Variants in WDR6 observed in about 807,000 individuals in gnomAD.
WDR6 encodes the protein WD repeat domain 6.
A neutral mutation model predicts 85.6 loss-of-function variants in WDR6; 58 were observed. The observed-to-expected ratio is 0.68, with a 90% CI of 0.55 to 0.84. The LOEUF is 0.84. Among genes scored for constraint, WDR6 ranks in the 40% least tolerant of loss-of-function variants. WDR6 has a pLI of 0.00. For missense variants in WDR6, 1,310 were observed against 1,476.4 expected (o/e 0.89, Z 1.85); for synonymous variants, 569 against 582.2 (o/e 0.98, Z 0.33).
In WDR6 at chr3:49,014,834, C is replaced by A. The variant is rs747411304; in HGVS notation, c.2912C>A (p.Thr971Asn). ...CTTCCTCTTCCTTCAGGGCTTGGCACCCCCTCCCTGACTCTCCAGGCCCAC... is the reference window on the plus strand; with the variant it reads ...CTTCCTCTTCCTTCAGGGCTTGGCAACCCCTCCCTGACTCTCCAGGCCCAC... Reference protein sequence around the residue: ...VDPGLPYRLGTPSLTLQAHSC... With the variant: ...VDPGLPYRLGNPSLTLQAHSC... Residue 971 changes from threonine to asparagine, a missense_variant, in exon 6 of 6, where the codon ACC becomes AAC. By Grantham distance (65) the Thr-to-Asn change is moderately conservative. Transcript: ENST00000608424. This position sits in a 1 kb window ranked among gnomAD's most constrained non-coding sequence, Gnocchi z 4.9. 1 of 1,602,552 alleles carries A rather than the reference C, an allele frequency of 6.2e-7. No homozygotes were observed. Among genetic ancestry groups the A allele is most frequent in the Admixed American group, 1.7e-5 (1 of 59,616 alleles).
rs374093924 is a variant in WDR6 at position 49,012,637 on chromosome 3, CA to C, written c.1104del (p.Ala370ProfsTer16). On this transcript the variant is annotated frameshift_variant, in exon 2 of 6. Transcript: ENST00000608424. LOFTEE classifies it high-confidence loss of function. This position sits in a 1 kb window ranked among gnomAD's most constrained non-coding sequence, Gnocchi z 4.4. ...TGGCGACTGCTGGCAGTGACTGATA[CA>C]GGGGCCCTGTATCTCTATGACGTCG... Reference protein sequence around the residue: ...GSWRLLAVTDTGALYLYDVEV... With the variant: ...GSWRLLAVTDXGALYLYDVEV... 1 of 1,614,102 alleles carries C rather than the reference CA, an allele frequency of 6.2e-7. No individual in the cohort carries two copies. The highest frequency in any genetic ancestry group is 8.5e-7 in the Non-Finnish European group (1 of 1,180,016).
rs780463016 is a variant in WDR6, at chr3:49,011,629, A to G, written c.101-6A>G. 1.9e-6 allele frequency: 3 copies of G among 1,613,320 alleles called. No individual in the cohort carries two copies. Among genetic ancestry groups the G allele is most frequent in the South Asian group, 1.1e-5 (1 of 91,062 alleles). The stretch of plus-strand genomic sequence containing the variant: ...AGCTCTGACATGGCTCTTTGCCTCT[A>G]TCTAGGTGAGGGTCCCGATGTCCTG... On this transcript the variant is annotated splice_polypyrimidine_tract_variant and splice_region_variant and intron_variant, in intron 1 of 5. Transcript: ENST00000608424.
Position 49,015,000 on chromosome 3 carries a change from T to C in WDR6, c.3078T>C (p.Ala1026=), listed in dbSNP as rs2093044330. 6.2e-7 allele frequency: 1 copy of C among 1,614,190 alleles called. No individual in the cohort carries two copies. Among genetic ancestry groups the C allele is most frequent in the Admixed American group, 1.7e-5 (1 of 60,022 alleles). Residue 1026 remains alanine, a synonymous_variant, in exon 6 of 6, where the codon GCT becomes GCC. Coordinates refer to ENST00000608424, the MANE Select transcript of WDR6 (RefSeq NM_018031.6). This position sits in a 1 kb window ranked among gnomAD's most constrained non-coding sequence, Gnocchi z 4.9. ...MLQLEEAVGE[A]GLVPQLRVLE... ...AGCTAGAAGAGGCTGTGGGAGAGGC[T>C]GGGCTGGTACCCCAGCTGCGTGTGC...
rs559131693 is a variant in WDR6, at chr3:49,007,463, G to A, written c.32G>A (p.Arg11Gln). Residue 11 changes from arginine (R) to glutamine (Q), a missense_variant, in exon 1 of 6, where the codon CGG becomes CAG. Physicochemically the swap from Arg to Gln is conservative, Grantham distance 43. Transcript: ENST00000608424. This position sits in a 1 kb window ranked among gnomAD's most constrained non-coding sequence, Gnocchi z 5.1. MDALEDYVWP[R>Q]ATSELILLPV... ...GCTCTCGAGGACTACGTTTGGCCGC[G>A]GGCAACCTCGGAGCTTATACTCCTC... 70 of 1,612,572 alleles carry A rather than the reference G, an allele frequency of 4.3e-5. No homozygotes were observed. Among genetic ancestry groups the A allele is most frequent in the Admixed American group, 1.5e-4 (9 of 59,946 alleles).
In WDR6 at chr3:49,013,535, G is replaced by A. The variant is rs145938711; in HGVS notation, c.2001G>A (p.Ala667=). Residue 667 remains alanine (A), a synonymous_variant, in exon 2 of 6, where the codon GCG becomes GCA. Coordinates refer to ENST00000608424, the MANE Select transcript of WDR6 (RefSeq NM_018031.6). The surrounding 1 kb of genome is among the most constrained non-coding windows in gnomAD (Gnocchi z 4.6). ...CGTGGGCATTCTCTGATACTGAGGC[G>A]GCCATGGCCTTTGCTTACCTCAAGG... ...HRSWAFSDTE[A]AMAFAYLKDG... 2.1e-5 allele frequency: 34 copies of A among 1,613,890 alleles called. No individual in the cohort carries two copies. The highest frequency in any genetic ancestry group is 3.3e-5 in the Admixed American group (2 of 60,010).
In WDR6 at chr3:49,007,539, T is replaced by C. The variant is rs2106678493; in HGVS notation, c.100+8T>C. 2 of 1,586,122 alleles carry C rather than the reference T, an allele frequency of 1.3e-6. No individual in the cohort carries two copies. Among genetic ancestry groups the C allele is most frequent in the Non-Finnish European group, 1.7e-6 (2 of 1,159,202 alleles). ...GGGACCGGCTGTTGGCGGGTGAGGC[T>C]TGGCTTGAGGCACGCCTGGTGGAAA... On this transcript the variant is annotated splice_region_variant and intron_variant, in intron 1 of 5. Coordinates refer to ENST00000608424, the MANE Select transcript of WDR6 (RefSeq NM_018031.6). The surrounding 1 kb of genome is among the most constrained non-coding windows in gnomAD (Gnocchi z 5.1).
At chr3:49,011,165 A>C (rs1576614314) in intron 1 of WDR6, 1 of 422,396 alleles carries the variant, frequency 2.4e-6, no homozygotes, top group African/African-American at 2.2e-5. Flanking sequence ...GCTCACTGCA[A>C]CCTCCACCCG....
Position 49,014,584 on chromosome 3 carries a change from T to A in WDR6, c.2784-16T>A. ...CATCTCTGTTATTGACCAGGCTGTC[T>A]TTTCCTGGCTCTCAGGAGGCTCCTC... On this transcript the variant is annotated splice_polypyrimidine_tract_variant and intron_variant, in intron 4 of 5. Coordinates refer to ENST00000608424, the MANE Select transcript of WDR6 (RefSeq NM_018031.6). The surrounding 1 kb of genome is among the most constrained non-coding windows in gnomAD (Gnocchi z 4.9). 2 of 1,609,926 alleles carry A rather than the reference T, an allele frequency of 1.2e-6. No homozygotes were observed. The highest frequency in any genetic ancestry group is 1.7e-6 in the Non-Finnish European group (2 of 1,177,378).
chr3:49,015,758 C>T lies in WDR6; in HGVS notation c.*470C>T, dbSNP rs142301323. 5 of 1,614,108 alleles carry T rather than the reference C, an allele frequency of 3.1e-6. No individual in the cohort carries two copies. Among genetic ancestry groups the T allele is most frequent in the Non-Finnish European group, 4.2e-6 (5 of 1,180,008 alleles). ...TCATCCTCTGCTTCCTTTGCCTTTA[C>T]CCTATACCTCTCTGCACGTCCCACC... On this transcript the variant is annotated 3_prime_UTR_variant, in exon 6 of 6. Coordinates refer to ENST00000608424, the MANE Select transcript of WDR6 (RefSeq NM_018031.6).
In WDR6 at chr3:49,013,062, G is replaced by A; in HGVS notation, c.1528G>A (p.Asp510Asn). Residue 510 changes from aspartate (D) to asparagine (N), a missense_variant, in exon 2 of 6, where the codon GAC becomes AAC. By Grantham distance (23) the Asp-to-Asn change is conservative. Transcript: ENST00000608424. This position sits in a 1 kb window ranked among gnomAD's most constrained non-coding sequence, Gnocchi z 4.6. ...LPPGDFLVCGDRRGSVLLFPS... is the reference protein window; with the variant it reads ...LPPGDFLVCGNRRGSVLLFPS... ...CCCAGGTGACTTCCTGGTGTGTGGT[G>A]ACCGCCGGGGCTCTGTGCTGCTATT... 6.2e-7 allele frequency: 1 copy of A among 1,611,522 alleles called. No individual in the cohort carries two copies. Among genetic ancestry groups the A allele is most frequent in the South Asian group, 1.1e-5 (1 of 90,814 alleles).
Position 49,013,919 on chromosome 3 carries a change from G to T in WDR6, c.2385G>T (p.Gln795His). The T allele has an allele frequency of 6.2e-7, 1 of 1,613,472 alleles. No homozygotes were observed. The highest frequency in any genetic ancestry group is 1.1e-5 in the South Asian group (1 of 91,082). ...CCCCAGGTGGCCCTCAGGATCCTCA[G>T]CCAGGCCTGACTGCCCATGTGGTGT... The part of the protein sequence containing the change: ...IGTPGGPQDP[Q>H]PGLTAHVVSA... The change falls in exon 2 of 6, where the codon CAG becomes CAT. Residue 795 changes from glutamine to histidine, a missense_variant. Physicochemically the swap from Gln to His is conservative, Grantham distance 24 (BLOSUM62 0). Coordinates refer to ENST00000608424, the MANE Select transcript of WDR6 (RefSeq NM_018031.6). The surrounding 1 kb of genome is among the most constrained non-coding windows in gnomAD (Gnocchi z 4.6).
At position 49,013,494 on chromosome 3, in the gene WDR6, G is replaced by A; in HGVS notation, c.1960G>A (p.Gly654Ser). 1 of 1,614,086 alleles carries A rather than the reference G, an allele frequency of 6.2e-7. No homozygotes were observed. Reference sequence around the variant, plus strand: ...CGAGAAGCTGCACATCGTCAACTGTGGTGGAGGGCACCGTTCGTGGGCATT... The same window carrying A: ...CGAGAAGCTGCACATCGTCAACTGTAGTGGAGGGCACCGTTCGTGGGCATT... ...SHEKLHIVNC[G>S]GGHRSWAFSD... Residue 654 changes from glycine (G) to serine (S), a missense_variant, in exon 2 of 6, where the codon GGT becomes AGT. Gly to Ser is a moderately conservative substitution (Grantham distance 56). Transcript: ENST00000608424. This position sits in a 1 kb window ranked among gnomAD's most constrained non-coding sequence, Gnocchi z 4.6.
rs2093051847 is a variant in WDR6 at position 49,015,582 on chromosome 3, G to A, written c.*294G>A. On this transcript the variant is annotated 3_prime_UTR_variant, in exon 6 of 6. Transcript: ENST00000608424. ...AACATTCCCAGGTATTGGAGCCTCT[G>A]TGGCCTTAAATGTGGCTCAGTGGAG... 1 of 1,613,968 alleles carries A rather than the reference G, an allele frequency of 6.2e-7. No homozygotes were observed. Among genetic ancestry groups the A allele is most frequent in the South Asian group, 1.1e-5 (1 of 91,084 alleles).
Position 49,015,290 on chromosome 3 carries a change from G to A in WDR6, c.*2G>A. On this transcript the variant is annotated 3_prime_UTR_variant, in exon 6 of 6. Transcript: ENST00000608424. ...GAGGTTTACAACTGGTATGACTGAG[G>A]TATCCTGCGGTGGCTGGCGTGCTGG... The A allele has an allele frequency of 6.2e-7, 1 of 1,607,002 alleles. No homozygotes were observed. Among genetic ancestry groups the A allele is most frequent in the Non-Finnish European group, 8.5e-7 (1 of 1,179,164 alleles).
chr3:49,015,632 T>TA lies in WDR6; in HGVS notation c.*345dup, dbSNP rs1446460687. The stretch of plus-strand genomic sequence containing the variant: ...GGGAGACCCAGCATAGCCAGGCCAG[T>TA]ATGGAGCACCTCACGCACAGCTCTC... On this transcript the variant is annotated 3_prime_UTR_variant, in exon 6 of 6. Coordinates refer to ENST00000608424, the MANE Select transcript of WDR6 (RefSeq NM_018031.6). 1 of 1,614,078 alleles carries TA rather than the reference T, an allele frequency of 6.2e-7. No homozygotes were observed. Among genetic ancestry groups the TA allele is most frequent in the Admixed American group, 1.7e-5 (1 of 59,994 alleles).
chr3:49,009,750 CAG>C (rs1479923952), intron 1 of WDR6, among the ~76,000 whole-genome samples: 2 of 149,624 alleles, frequency 1.3e-5, no homozygotes, highest in Non-Finnish European at 3.0e-5. Context: ...TTTTTTGAGA[CAG>C]AGTCTTGCTC....
chr3:49,014,268 G>A lies in WDR6; in HGVS notation c.2641G>A (p.Ala881Thr). The A allele has an allele frequency of 1.9e-6, 3 of 1,614,174 alleles. No individual in the cohort carries two copies. The highest frequency in any genetic ancestry group is 2.2e-5 in the East Asian group (1 of 44,884). ...GCCCGGCCTTGGCCCCCTTGTGGCT[G>A]CAGCCTGTAGTGATGGGGCCGTAAG... Reference protein sequence around the residue: ...DQPGLGPLVAAACSDGAVRLF... With the variant: ...DQPGLGPLVATACSDGAVRLF... Residue 881 changes from alanine to threonine, a missense_variant, in exon 3 of 6, where the codon GCA becomes ACA. By Grantham distance (58) the Ala-to-Thr change is moderately conservative. Coordinates refer to ENST00000608424, the MANE Select transcript of WDR6 (RefSeq NM_018031.6). This position sits in a 1 kb window ranked among gnomAD's most constrained non-coding sequence, Gnocchi z 4.9.
At position 49,014,938 on chromosome 3, in the gene WDR6, T is replaced by G; in HGVS notation, c.3016T>G (p.Ser1006Ala). The change falls in exon 6 of 6, where the codon TCC becomes GCC. Residue 1006 changes from serine to alanine, a missense_variant. Ser to Ala is a moderately conservative substitution (Grantham distance 99, BLOSUM62 1). Coordinates refer to ENST00000608424, the MANE Select transcript of WDR6 (RefSeq NM_018031.6). This position sits in a 1 kb window ranked among gnomAD's most constrained non-coding sequence, Gnocchi z 4.9. ...CGTGGCCAGTGGCAGTGAAGATGGA[T>G]CCCTCCATGTCTTCGTGCTTGCTGT... ...HLVASGSEDG[S>A]LHVFVLAVEM... The G allele has an allele frequency of 6.2e-7, 1 of 1,614,064 alleles. No individual in the cohort carries two copies. Among genetic ancestry groups the G allele is most frequent in the Non-Finnish European group, 8.5e-7 (1 of 1,179,976 alleles).
In WDR6 at chr3:49,014,477, C is replaced by G. The variant is rs2093039005; in HGVS notation, c.2761C>G (p.His921Asp). ...TGTCCTCAAGGTCCACTCCTTTACA[C>G]ACGAGGCACCCAACCAGAGGCGGTG... ...RCVLKVHSFT[H>D]EAPNQRRRLL... Residue 921 changes from histidine to aspartate, a missense_variant, in exon 4 of 6, where the codon CAC becomes GAC. Coordinates refer to ENST00000608424, the MANE Select transcript of WDR6 (RefSeq NM_018031.6). This position sits in a 1 kb window ranked among gnomAD's most constrained non-coding sequence, Gnocchi z 4.9. 6.2e-7 allele frequency: 1 copy of G among 1,614,032 alleles called. No individual in the cohort carries two copies. The highest frequency in any genetic ancestry group is 8.5e-7 in the Non-Finnish European group (1 of 1,180,022).
Sources: allele counts gnomAD v4.1 joint callset (sites outside exome capture counted in the v4.1 genomes callset), GRCh38; gene constraint gnomAD v4.1.1; non-coding constraint Gnocchi (gnomAD v3.1); transcripts MANE v1.5; gene names NCBI Gene and HGNC (gene_info 2026-07-23, HGNC 2026-07-21).